CDYL: variants seen among roughly 807,000 people sequenced by gnomAD.
The protein encoded by CDYL is chromodomain Y like.
CDYL carries 8 observed loss-of-function variants against 47.3 expected under a neutral mutation model. That is an observed-to-expected ratio of 0.17 (90% CI 0.10 to 0.31). The LOEUF (loss-of-function observed/expected upper bound fraction) is 0.31, where lower values mean the gene tolerates loss of function less well. Ranked by LOEUF, CDYL falls within the 10% of genes least tolerant of loss-of-function variation. CDYL has a pLI of 1.00. For missense variants in CDYL, 471 were observed against 701.4 expected (o/e 0.67, Z 3.71); for synonymous variants, 266 against 265.0 (o/e 1.00, Z -0.04).
chr6:4,814,643 A>C (rs140452678), intron 1 of CDYL, among the ~76,000 whole-genome samples: 1 of 152,108 alleles, frequency 6.6e-6, no homozygotes, highest in Non-Finnish European at 1.5e-5. Context: ...CTCGTGCCCC[A>C]GCCTCCCTGG....
chr6:4,951,345 A>G (rs773348511), intron 5 of CDYL, among the ~76,000 whole-genome samples: 2 of 152,002 alleles, frequency 1.3e-5, no homozygotes, highest in African/African-American at 4.8e-5. Context: ...TTTATCAGAC[A>G]TGTGTGCACC....
intron 2 of CDYL, among the ~76,000 whole-genome samples, chr6:4,733,635 C>T (rs1353353722): frequency 6.6e-6 from 1 of 152,076 alleles, no homozygotes; most frequent in African/African-American, 2.4e-5. Flanking sequence ...TTAAGAGAAA[C>T]TTCATTCTGG....
chr6:4,723,320 A>C (rs1323827068), intron 2 of CDYL, among the ~76,000 whole-genome samples: 1 of 152,008 alleles, frequency 6.6e-6, no homozygotes, highest in African/African-American at 2.4e-5. Context: ...TGGTATTCCT[A>C]GGGTCCTAGA....
chr6:4,715,716 C>T (rs1297508522), intron 1 of CDYL: 3 of 1,602,608 alleles, frequency 1.9e-6, no homozygotes, highest in Non-Finnish European at 2.6e-6. Flanking sequence ...GTAGTAAATT[C>T]CTCTTGTTGG....
intron 1 of CDYL, chr6:4,714,102 A>C (rs1330202063): frequency 6.6e-6 from 1 of 152,146 alleles, no homozygotes; most frequent in Non-Finnish European, 1.5e-5. Context: ...AGAGGGTTGG[A>C]GAGTTAGGTC....
At chr6:4,725,317 G>A (rs1757488153) in intron 2 of CDYL, among the ~76,000 whole-genome samples, 1 of 152,242 alleles carries the variant, frequency 6.6e-6, no homozygotes, top group Non-Finnish European at 1.5e-5. Context: ...CCAGTCCTGC[G>A]CCTGTGCGCC....
chr6:4,928,420 C>T (rs1422076464), intron 2 of CDYL, among the ~76,000 whole-genome samples: 1 of 152,022 alleles, frequency 6.6e-6, no homozygotes, highest in African/African-American at 2.4e-5. Flanking sequence ...CTAAATAGTT[C>T]CCAGAATCTA....
chr6:4,935,523 C>T lies in CDYL; in HGVS notation c.700C>T (p.Pro234Ser). ...GLAVNGKGTS[P>S]FMDALTANGT... ...TTTCAAACTCTCGGCAGGTACATCT[C>T]CGTTCATGGATGCATTAACAGCCAA... Residue 234 changes from proline to serine, a missense_variant, in exon 3 of 7, where the codon CCG (proline) becomes TCG (serine). Pro to Ser is a moderately conservative substitution (Grantham distance 74). This residue lies in a region of CDYL where 311 missense variants were observed against 350.0 expected (regional missense o/e 0.89). Transcript: ENST00000397588. 1 of 1,614,130 alleles carries T rather than the reference C, an allele frequency of 6.2e-7. No individual in the cohort carries two copies.
chr6:4,785,900 TC>T (rs1469197162), intron 1 of CDYL, among the ~76,000 whole-genome samples: 1 of 152,218 alleles, frequency 6.6e-6, no homozygotes, highest in African/African-American at 2.4e-5. Flanking sequence ...GTGATGGCAC[TC>T]CAAGTCTTGA....
intron 1 of CDYL, among the ~76,000 whole-genome samples, chr6:4,706,479 T>A (rs990434111): frequency 2.0e-5 from 3 of 152,050 alleles, no homozygotes; most frequent in African/African-American, 7.2e-5. Context: ...TCAGATTTTA[T>A]AGAGAATTTA....
intron 2 of CDYL, among the ~76,000 whole-genome samples, chr6:4,925,961 A>G (rs1429867245): frequency 1.3e-5 from 2 of 152,186 alleles, no homozygotes; most frequent in Non-Finnish European, 2.9e-5. Context: ...ATAACATACA[A>G]CTAGTTAGGT....
At chr6:4,907,774 C>A (rs962716325) in intron 2 of CDYL, among the ~76,000 whole-genome samples, 1 of 152,184 alleles carries the variant, frequency 6.6e-6, no homozygotes, top group African/African-American at 2.4e-5. Flanking sequence ...TAAAACTTAG[C>A]ACATTGTGGC....
chr6:4,799,648 C>G (rs1193543128), intron 1 of CDYL, among the ~76,000 whole-genome samples: 1 of 152,084 alleles, frequency 6.6e-6, no homozygotes, highest in Non-Finnish European at 1.5e-5. Context: ...TATGCCCAGG[C>G]TGATCTTGAA....
At chr6:4,837,940 A>AT (rs61308950) in intron 1 of CDYL, among the ~76,000 whole-genome samples, 6,985 of 141,886 alleles carry the variant, frequency 0.049, 179 homozygotes, top group East Asian at 0.1. Context: ...AACCCAGCTA[A>AT]TTTTTTTTTT....
chr6:4,707,640 C>A (rs1273609871), intron 1 of CDYL, among the ~76,000 whole-genome samples: 1 of 152,134 alleles, frequency 6.6e-6, no homozygotes, highest in East Asian at 1.9e-4. Flanking sequence ...GCATTCAAGA[C>A]CTTAAAAAAT....
At chr6:4,882,160 C>G (rs1047343599) in intron 1 of CDYL, among the ~76,000 whole-genome samples, 7 of 152,318 alleles carry the variant, frequency 4.6e-5, no homozygotes, top group African/African-American at 1.4e-4. Flanking sequence ...TGATCCATGA[C>G]TCAAGAGTCT....
At chr6:4,808,452 T>C (rs778227493) in intron 1 of CDYL, among the ~76,000 whole-genome samples, 1 of 152,244 alleles carries the variant, frequency 6.6e-6, no homozygotes, top group Non-Finnish European at 1.5e-5. Flanking sequence ...ATTTACTCAT[T>C]TGCTCAACTC....
In CDYL at chr6:4,776,494, C is replaced by T. The variant is rs1448130913; in HGVS notation, c.-290C>T. ...GCACGCCGCCGCGCCCGCCCCAGCC[C>T]GCCCGGCCCCGCGGCGGGGCGCGAT... is the stretch of plus-strand genomic sequence containing the variant. On this transcript the variant is annotated 5_prime_UTR_variant, in exon 1 of 7. Transcript: ENST00000397588. 1.4e-5 allele frequency: 2 copies of T among 143,118 alleles called. No individual in the cohort carries two copies. The highest frequency in any genetic ancestry group is 1.9e-4 in the South Asian group (1 of 5,260). 8.9% of individuals were successfully genotyped at this position (143,118 alleles called of 1,614,324 possible). A position where few individuals can be genotyped will look rare whatever the true frequency, so the allele number is the denominator to read the frequency against.
chr6:4,767,948 CATAGAGCCAAACTTTTAAAAA>C (rs1345081576), intron 3 of CDYL, among the ~76,000 whole-genome samples: 3 of 152,240 alleles, frequency 2.0e-5, no homozygotes, highest in African/African-American at 7.2e-5. Flanking sequence ...ACTTTCTCTT[CATAGAGCCAAACTTTTAAAAA>C]ATATAAGTCA....
Sources: gnomAD v4.1 joint callset for allele counts (sites outside exome capture counted in the v4.1 genomes callset) on GRCh38, gnomAD v4.1.1 for gene constraint, gnomAD v4.1.1 regional missense constraint, MANE v1.5 for transcripts, NCBI Gene and HGNC (gene_info 2026-07-23, HGNC 2026-07-21) for gene names.